UBXN10: variants seen among roughly 807,000 people sequenced by gnomAD.
UBXN10 encodes UBX domain protein 10, also known as UBX domain-containing protein 10.
Under a neutral mutation model 6.9 loss-of-function variants are expected in UBXN10, and 6 were observed. The ratio of observed to expected loss-of-function variants is 0.87; its 90% CI spans 0.48 to 1.72. The LOEUF is 1.72. UBXN10 is among the 40% of genes most tolerant of loss of function. The probability of loss-of-function intolerance (pLI) is 0.01; values close to 1 mark genes in which losing one functional copy is unlikely to be tolerated. For missense variants in UBXN10, 317 were observed against 348.4 expected (o/e 0.91, Z 0.72); for synonymous variants, 131 against 135.2 (o/e 0.97, Z 0.21).
In UBXN10 at chr1:20,190,858, G is replaced by A. The variant is rs772931843; in HGVS notation, c.297G>A (p.Leu99=). The A allele has an allele frequency of 3.7e-5, 60 of 1,613,876 alleles. No individual in the cohort carries two copies. Among genetic ancestry groups the A allele is most frequent in the Non-Finnish European group, 4.7e-5 (56 of 1,180,038 alleles). The change falls in exon 2 of 2, where the codon CTG becomes CTA. Residue 99 remains leucine, a synonymous_variant. Transcript: ENST00000375099. The stretch of plus-strand genomic sequence containing the variant: ...GAGCTTCTGATGAGATCCCTGAGCT[G>A]CAGCAGCAAGTACCCACTGGGGCTT... ...NQGASDEIPE[L]QQQVPTGASS... is the part of the protein sequence containing the mutation.
Position 20,191,001 on chromosome 1 carries a change from C to T in UBXN10, c.440C>T (p.Ala147Val), listed in dbSNP as rs149910776. The part of the protein sequence containing the change: ...ASSLQLSSIR[A>V]LYQDETGTMK... ...TCACTGCAACTGAGCAGTATCCGGG[C>T]TCTTTACCAAGACGAGACGGGCACC... The change falls in exon 2 of 2, where the codon GCT becomes GTT. Residue 147 changes from alanine (A) to valine (V), a missense_variant. Physicochemically the swap from Ala to Val is moderately conservative, Grantham distance 64. Coordinates refer to ENST00000375099, the MANE Select transcript of UBXN10 (RefSeq NM_152376.5). The surrounding 1 kb of genome is among the most constrained non-coding windows in gnomAD (Gnocchi z 4.5). 2 of 1,614,024 alleles carry T rather than the reference C, an allele frequency of 1.2e-6. No homozygotes were observed. The highest frequency in any genetic ancestry group is 2.7e-5 in the African/African-American group (2 of 74,904).
rs1466029948 is a variant in UBXN10 at position 20,187,698 on chromosome 1, A to C, written c.-16+1545A>C. Among the ~76,000 whole-genome samples, 1 of 152,210 alleles carries C rather than the reference A, an allele frequency of 6.6e-6. No homozygotes were observed. ...TAGTCATAATTGAGGTTTTTCTCTG[A>C]GATAGCTCACAGTCATGTTATCTTA... On this transcript the variant is annotated intron_variant, in intron 1 of 1. Coordinates refer to ENST00000375099, the MANE Select transcript of UBXN10 (RefSeq NM_152376.5). This position sits in a 1 kb window ranked among gnomAD's most constrained non-coding sequence, Gnocchi z 4.6.
chr1:20,184,797 G>A (rs1282693175), upstream of UBXN10, among the ~76,000 whole-genome samples: 1 of 152,052 alleles, frequency 6.6e-6, no homozygotes, highest in African/African-American at 2.4e-5. Context: ...AGGAGGGAGG[G>A]AGGTGGGAGA....
chr1:20,190,122 T>C (rs2018463960), intron 1 of UBXN10, among the ~76,000 whole-genome samples: 1 of 152,192 alleles, frequency 6.6e-6, no homozygotes, highest in African/African-American at 2.4e-5. Context: ...TTATCTGAAA[T>C]TCAAATTTCA....
At position 20,191,658 on chromosome 1, in the gene UBXN10, T is replaced by A; in HGVS notation, c.*254T>A. Reference sequence around the variant, plus strand: ...ACTGGCAAGTTACCAAGGTTGTTCCTGAAACAGCAGTGATCATGACTTCTC... The same window carrying A: ...ACTGGCAAGTTACCAAGGTTGTTCCAGAAACAGCAGTGATCATGACTTCTC... On this transcript the variant is annotated 3_prime_UTR_variant, in exon 2 of 2. Transcript: ENST00000375099. The surrounding 1 kb of genome is among the most constrained non-coding windows in gnomAD (Gnocchi z 4.5). 1 of 485,066 alleles carries A rather than the reference T, an allele frequency of 2.1e-6. No individual in the cohort carries two copies. The highest frequency in any genetic ancestry group is 1.9e-5 in the African/African-American group (1 of 51,714). The allele number at this position is 485,066 out of a possible 1,614,324, so 30.0% of individuals were successfully genotyped here.
At position 20,187,386 on chromosome 1, in the gene UBXN10, A is replaced by G. The variant is rs1290730440; in HGVS notation, c.-16+1233A>G. On this transcript the variant is annotated intron_variant, in intron 1 of 1. Transcript: ENST00000375099. The surrounding 1 kb of genome is among the most constrained non-coding windows in gnomAD (Gnocchi z 4.6). The stretch of plus-strand genomic sequence containing the variant: ...CTAGAGGTGGTGAAGTGAACTGAGC[A>G]GGGAGAATCATGGCTGCTGCCTCAA... Among the ~76,000 whole-genome samples, 1 of 152,068 alleles carries G rather than the reference A, an allele frequency of 6.6e-6. No homozygotes were observed. Among genetic ancestry groups the G allele is most frequent in the Non-Finnish European group, 1.5e-5 (1 of 67,994 alleles).
rs778277643 is a variant in UBXN10 at position 20,191,280 on chromosome 1, G to A, written c.719G>A (p.Ser240Asn). ...QKNKTSYRHC[S>N]IETMEVPRRR... ...AACAAAACCTCCTACCGACACTGCA[G>A]CATTGAAACAATGGAGGTGCCCAGG... Residue 240 changes from serine (S) to asparagine (N), a missense_variant, in exon 2 of 2, where the codon AGC becomes AAC. By Grantham distance (46) the Ser-to-Asn change is conservative. Coordinates refer to ENST00000375099, the MANE Select transcript of UBXN10 (RefSeq NM_152376.5). This position sits in a 1 kb window ranked among gnomAD's most constrained non-coding sequence, Gnocchi z 4.5. 1.2e-6 allele frequency: 2 copies of A among 1,614,224 alleles called. No individual in the cohort carries two copies. Among genetic ancestry groups the A allele is most frequent in the South Asian group, 2.2e-5 (2 of 91,088 alleles).
rs2018503304 is a variant in UBXN10 at position 20,191,564 on chromosome 1, T to G, written c.*160T>G. ...CTGCGTGTCCTCTGAAGCAGTGAAG[T>G]CTGTGCCTATGCCGAGCGCGCTAAG... On this transcript the variant is annotated 3_prime_UTR_variant, in exon 2 of 2. Transcript: ENST00000375099. The surrounding 1 kb of genome is among the most constrained non-coding windows in gnomAD (Gnocchi z 4.5). 2 of 1,155,462 alleles carry G rather than the reference T, an allele frequency of 1.7e-6. No individual in the cohort carries two copies. Among genetic ancestry groups the G allele is most frequent in the Non-Finnish European group, 2.4e-6 (2 of 828,998 alleles). 71.6% of individuals were successfully genotyped at this position (1,155,462 alleles called of 1,614,324 possible).
At position 20,191,538 on chromosome 1, in the gene UBXN10, A is replaced by G; in HGVS notation, c.*134A>G. On this transcript the variant is annotated 3_prime_UTR_variant, in exon 2 of 2. Coordinates refer to ENST00000375099, the MANE Select transcript of UBXN10 (RefSeq NM_152376.5). The surrounding 1 kb of genome is among the most constrained non-coding windows in gnomAD (Gnocchi z 4.5). ...TGGGAAGCTTGGGACTCTCGTCTGC[A>G]CTGCGTGTCCTCTGAAGCAGTGAAG... 7.3e-7 allele frequency: 1 copy of G among 1,370,924 alleles called. No individual in the cohort carries two copies. 84.9% of individuals were successfully genotyped at this position (1,370,924 alleles called of 1,614,324 possible). A position where few individuals can be genotyped will look rare whatever the true frequency, so the allele number is the denominator to read the frequency against.
chr1:20,187,233 T>C lies in UBXN10; in HGVS notation c.-16+1080T>C, dbSNP rs2018415389. Among the ~76,000 whole-genome samples the C allele has an allele frequency of 6.6e-6, 1 of 152,244 alleles. No homozygotes were observed. Among genetic ancestry groups the C allele is most frequent in the Admixed American group, 6.5e-5 (1 of 15,282 alleles). ...TTGGCAGTGTTTGCTTCCTGACTCC[T>C]AGCAGGCCGCTGGGGTGCAGCTATT... is the stretch of plus-strand genomic sequence containing the variant. On this transcript the variant is annotated intron_variant, in intron 1 of 1. Coordinates refer to ENST00000375099, the MANE Select transcript of UBXN10 (RefSeq NM_152376.5). This position sits in a 1 kb window ranked among gnomAD's most constrained non-coding sequence, Gnocchi z 4.6.
rs976978242 is a variant in UBXN10, at chr1:20,192,397, G to C, written c.*993G>C. On this transcript the variant is annotated 3_prime_UTR_variant, in exon 2 of 2. Coordinates refer to ENST00000375099, the MANE Select transcript of UBXN10 (RefSeq NM_152376.5). ...ACTTAGAACCTCTGGAGGAGGAGGG[G>C]GGTGCCTTGGTCTCGTGTTACTTTG... is the stretch of plus-strand genomic sequence containing the variant. 1 of 167,086 alleles carries C rather than the reference G, an allele frequency of 6.0e-6. No homozygotes were observed. Among genetic ancestry groups the C allele is most frequent in the African/African-American group, 2.4e-5 (1 of 41,416 alleles). The allele number at this position is 167,086 out of a possible 1,614,324, so 10.4% of individuals were successfully genotyped here.
chr1:20,188,162 A>C (rs924357493), intron 1 of UBXN10, among the ~76,000 whole-genome samples: 3 of 152,220 alleles, frequency 2.0e-5, no homozygotes, highest in African/African-American at 7.2e-5. Flanking sequence ...AGGGGGAAAA[A>C]CACATTCTTC....
chr1:20,184,199 A>ACACG (rs1553184796), upstream of UBXN10: 8 of 142,988 alleles, frequency 5.6e-5, no homozygotes, highest in East Asian at 2.1e-4. Context: ...GCGCACACGC[A>ACACG]CACACACACA....
chr1:20,191,357 A>G lies in UBXN10; in HGVS notation c.796A>G (p.Lys266Glu). The G allele has an allele frequency of 6.2e-7, 1 of 1,613,802 alleles. No homozygotes were observed. Among genetic ancestry groups the G allele is most frequent in the African/African-American group, 1.3e-5 (1 of 75,006 alleles). The change falls in exon 2 of 2, where the codon AAG becomes GAG. Residue 266 changes from lysine (K) to glutamate (E), a missense_variant. Transcript: ENST00000375099. This position sits in a 1 kb window ranked among gnomAD's most constrained non-coding sequence, Gnocchi z 4.5. ...KSLQECRIPH[K>E]SVLGISLEDG... is the part of the protein sequence containing the mutation. The stretch of plus-strand genomic sequence containing the variant: ...TCTGCAAGAGTGCAGAATCCCCCAC[A>G]AGTCTGTGCTGGGCATCTCACTGGA...
In UBXN10 at chr1:20,191,198, C is replaced by T. The variant is rs200479622; in HGVS notation, c.637C>T (p.Arg213Cys). The change falls in exon 2 of 2, where the codon CGC becomes TGC. Residue 213 changes from arginine (R) to cysteine (C), a missense_variant. Arg to Cys is a radical substitution (Grantham distance 180). Transcript: ENST00000375099. The surrounding 1 kb of genome is among the most constrained non-coding windows in gnomAD (Gnocchi z 4.5). ...ATCACCAACAGGCCAAAGGTTTGTA[C>T]GCCATTTCCGGCCAACAGATGATTT... Reference protein sequence around the residue: ...VRSPTGQRFVRHFRPTDDLQT... With the variant: ...VRSPTGQRFVCHFRPTDDLQT... 140 of 1,614,178 alleles carry T rather than the reference C, an allele frequency of 8.7e-5. 1 individual carries two copies. The highest frequency in any genetic ancestry group is 6.1e-4 in the South Asian group (56 of 91,080).
chr1:20,193,054 C>T lies in UBXN10; in HGVS notation c.*1650C>T, dbSNP rs2018537696. 6.0e-6 allele frequency: 1 copy of T among 167,086 alleles called. No individual in the cohort carries two copies. The highest frequency in any genetic ancestry group is 2.4e-5 in the African/African-American group (1 of 41,452). The allele number at this position is 167,086 out of a possible 1,614,324, so 10.4% of individuals were successfully genotyped here. ...GGGGCCAGTGGTGCCTCAGGCAGGCCCACACAACTGGCCACCTCTTCCCGT... is the reference window on the plus strand; with the variant it reads ...GGGGCCAGTGGTGCCTCAGGCAGGCTCACACAACTGGCCACCTCTTCCCGT... On this transcript the variant is annotated 3_prime_UTR_variant, in exon 2 of 2. Transcript: ENST00000375099.
rs552853366 is a variant in UBXN10 at position 20,193,140 on chromosome 1, C to T, written c.*1736C>T. Reference sequence around the variant, plus strand: ...CTAAAAGTACAGGAATTTCACTTCCCACCAGGACTTGAGCACATAACTCTA... The same window carrying T: ...CTAAAAGTACAGGAATTTCACTTCCTACCAGGACTTGAGCACATAACTCTA... On this transcript the variant is annotated 3_prime_UTR_variant, in exon 2 of 2. Transcript: ENST00000375099. 1.1e-4 allele frequency: 18 copies of T among 167,162 alleles called. No homozygotes were observed. Among genetic ancestry groups the T allele is most frequent in the African/African-American group, 4.1e-4 (17 of 41,552 alleles). The allele number at this position is 167,162 out of a possible 1,614,324, so 10.4% of individuals were successfully genotyped here. A position where few individuals can be genotyped will look rare whatever the true frequency, so the allele number is the denominator to read the frequency against.
At position 20,192,834 on chromosome 1, in the gene UBXN10, A is replaced by G. The variant is rs1358926451; in HGVS notation, c.*1430A>G. ...TGCTCAGATAAGCTGCATGGTTGGGAGTGTTTTTTCTCGCACGTTGAGGCT... is the reference window on the plus strand; with the variant it reads ...TGCTCAGATAAGCTGCATGGTTGGGGGTGTTTTTTCTCGCACGTTGAGGCT... On this transcript the variant is annotated 3_prime_UTR_variant, in exon 2 of 2. Transcript: ENST00000375099. 6.0e-6 allele frequency: 1 copy of G among 167,024 alleles called. No individual in the cohort carries two copies. The highest frequency in any genetic ancestry group is 1.5e-5 in the Non-Finnish European group (1 of 68,128). The allele number at this position is 167,024 out of a possible 1,614,324, so 10.3% of individuals were successfully genotyped here. A position where few individuals can be genotyped will look rare whatever the true frequency, so the allele number is the denominator to read the frequency against.
chr1:20,183,345 C>G (rs1382101989), upstream of UBXN10, among the ~76,000 whole-genome samples: 1 of 152,192 alleles, frequency 6.6e-6, no homozygotes, highest in African/African-American at 2.4e-5. Context: ...TCCCCACGAC[C>G]AGTGCAACGG....
Sources: gnomAD v4.1 joint callset for allele counts (sites outside exome capture counted in the v4.1 genomes callset) on GRCh38, gnomAD v4.1.1 for gene constraint, Gnocchi (gnomAD v3.1) non-coding constraint, MANE v1.5 for transcripts, NCBI Gene and HGNC (gene_info 2026-07-23, HGNC 2026-07-21) for gene names.